Variants in DLG2 observed in about 807,000 individuals in gnomAD.
DLG2 encodes the protein disks large homolog 2.
DLG2 carries 45 observed loss-of-function variants against 132.5 expected under a neutral mutation model. The observed-to-expected ratio is 0.34, with a 90% CI of 0.27 to 0.44. The LOEUF is 0.44. Ranked by LOEUF, DLG2 falls within the 20% of genes least tolerant of loss-of-function variation. DLG2 has a pLI of 1.00. For synonymous variants in DLG2, 424 were observed against 419.6 expected (o/e 1.01, Z -0.13); for missense variants, 1,045 against 1,196.9 (o/e 0.87, Z 1.87).
chr11:85,563,688 A>G (rs1411103090), intron 3 of DLG2, among the ~76,000 whole-genome samples: 2 of 147,324 alleles, frequency 1.4e-5, no homozygotes. Context: ...ATTCCTTTAT[A>G]TGGATATACC....
intron 6 of DLG2, chr11:85,020,890 C>G: frequency 2.6e-6 from 2 of 767,322 alleles, no homozygotes; most frequent in Admixed American, 3.4e-5. Context: ...TCAGCAGAGT[C>G]ATGTGCATCC....
chr11:84,417,010 G>C (rs1485318241), intron 7 of DLG2, among the ~76,000 whole-genome samples: 1 of 152,148 alleles, frequency 6.6e-6, no homozygotes, highest in Non-Finnish European at 1.5e-5. Flanking sequence ...CCACACAAAA[G>C]CCTATTTAAT....
At chr11:84,040,874 G>C (rs1375195007) in intron 11 of DLG2, among the ~76,000 whole-genome samples, 1 of 151,836 alleles carries the variant, frequency 6.6e-6, no homozygotes, top group Non-Finnish European at 1.5e-5. Flanking sequence ...TCTTCCATTT[G>C]TTTGTATCCT....
intron 6 of DLG2, among the ~76,000 whole-genome samples, chr11:84,569,305 G>A (rs779940707): frequency 5.9e-5 from 9 of 152,002 alleles, no homozygotes; most frequent in Non-Finnish European, 1.0e-4. Flanking sequence ...TCAAATGCAC[G>A]GACAACATAC....
intron 7 of DLG2, among the ~76,000 whole-genome samples, chr11:84,475,050 C>T (rs574301013): frequency 6.6e-6 from 1 of 152,026 alleles, no homozygotes; most frequent in African/African-American, 2.4e-5. Context: ...TTGCTATGAC[C>T]ATAAAATCTG....
chr11:84,781,481 A>G (rs1481338377), intron 6 of DLG2, among the ~76,000 whole-genome samples: 1 of 151,954 alleles, frequency 6.6e-6, no homozygotes, highest in African/African-American at 2.4e-5. Context: ...TTGTGGTAGC[A>G]TCAAGAATAC....
intron 6 of DLG2, among the ~76,000 whole-genome samples, chr11:84,591,223 C>CTGTGTGTG (rs781411791): frequency 0.085 from 11,826 of 139,082 alleles, 528 homozygotes; most frequent in African/African-American, 0.12. Flanking sequence ...ATGTGTCTCT[C>CTGTGTGTG]TGTGTGTGTG....
chr11:83,980,483 A>G (rs1049883043), intron 12 of DLG2, 23 bp downstream of exon 12: 13 of 1,602,132 alleles, frequency 8.1e-6, no homozygotes, highest in African/African-American at 1.3e-5. Context: ...ATATACACAC[A>G]GTTTTGCTGG....
intron 6 of DLG2, among the ~76,000 whole-genome samples, chr11:84,946,818 T>C (rs1475866505): frequency 1.3e-5 from 2 of 152,166 alleles, no homozygotes; most frequent in Non-Finnish European, 2.9e-5. Flanking sequence ...TGGCCTTGAC[T>C]GCCTTTCAAA....
intron 8 of DLG2, among the ~76,000 whole-genome samples, chr11:84,215,852 A>G (rs2096829155): frequency 6.6e-6 from 1 of 152,234 alleles, no homozygotes; most frequent in Admixed American, 6.5e-5. Context: ...ACAATGTCTT[A>G]GAATCAGCTT....
chr11:85,412,725 T>TCACACACACACACA (rs542505541), intron 3 of DLG2, among the ~76,000 whole-genome samples: 88 of 92,248 alleles, frequency 9.5e-4, no homozygotes, highest in East Asian at 1.5e-3. Flanking sequence ...GAGCAGTATT[T>TCACACACACACACA]CACACACACA....
intron 7 of DLG2, among the ~76,000 whole-genome samples, chr11:84,302,129 A>G (rs1243961807): frequency 1.3e-5 from 2 of 152,162 alleles, no homozygotes; most frequent in South Asian, 2.1e-4. Flanking sequence ...GTTCTCACTC[A>G]TAAGTGGGAG....
intron 18 of DLG2, among the ~76,000 whole-genome samples, chr11:83,741,773 C>T (rs1006688540): frequency 1.3e-5 from 2 of 151,926 alleles, no homozygotes; most frequent in African/African-American, 4.8e-5. Context: ...CTTTGGGAGG[C>T]CGAGGCAGGT....
intron 7 of DLG2, among the ~76,000 whole-genome samples, chr11:84,398,571 A>G (rs2154445480): frequency 6.6e-6 from 1 of 152,308 alleles, no homozygotes; most frequent in African/African-American, 2.4e-5. Flanking sequence ...CATTTGCAAT[A>G]TTCATTTCCT....
chr11:84,494,008 T>C (rs979578359), intron 7 of DLG2, among the ~76,000 whole-genome samples: 8 of 151,934 alleles, frequency 5.3e-5, no homozygotes, highest in Non-Finnish European at 2.9e-5. Flanking sequence ...AGTGAGGTGG[T>C]TTAAAAGCAG....
intron 10 of DLG2, among the ~76,000 whole-genome samples, chr11:84,098,645 A>G (rs531503951): frequency 6.6e-6 from 1 of 152,158 alleles, no homozygotes; most frequent in Non-Finnish European, 1.5e-5. Context: ...CTTTCCAACT[A>G]GACTGAAGGC....
intron 9 of DLG2, among the ~76,000 whole-genome samples, chr11:84,148,395 T>C (rs2154248048): frequency 6.6e-6 from 1 of 152,200 alleles, no homozygotes; most frequent in South Asian, 2.1e-4. Flanking sequence ...CCCTCTGATG[T>C]TCCCCAGTTA....
At chr11:84,867,939 T>C (rs892987413) in intron 6 of DLG2, among the ~76,000 whole-genome samples, 1 of 152,032 alleles carries the variant, frequency 6.6e-6, no homozygotes, top group Non-Finnish European at 1.5e-5. Flanking sequence ...CCAGGCGTGG[T>C]AGCCGGCGCC....
intron 6 of DLG2, among the ~76,000 whole-genome samples, chr11:84,581,912 CAA>C (rs780759635): frequency 1.7e-3 from 112 of 64,958 alleles, no homozygotes; most frequent in African/African-American, 3.9e-3. Context: ...TCTCAAAAAC[CAA>C]AAAAAAAAAA....
Sources: gnomAD v4.1 joint callset for allele counts (sites outside exome capture counted in the v4.1 genomes callset) on GRCh38, gnomAD v4.1.1 for gene constraint, MANE v1.5 for transcripts, NCBI Gene and HGNC (gene_info 2026-07-23, HGNC 2026-07-21) for gene names.